Variants in RGS17 observed in about 807,000 individuals in gnomAD.
RGS17 encodes the protein regulator of G-protein signaling 17.
A neutral mutation model predicts 25.5 loss-of-function variants in RGS17; 12 were observed. The ratio of observed to expected loss-of-function variants is 0.47; its 90% CI spans 0.30 to 0.76. The LOEUF is 0.76. Among genes scored for constraint, RGS17 ranks in the 30% least tolerant of loss-of-function variants. The pLI is 0.07. For missense variants in RGS17, 196 were observed against 242.2 expected (o/e 0.81, Z 1.27); for synonymous variants, 71 against 76.9 (o/e 0.92, Z 0.40).
At chr6:153,017,907 CT>C (rs1304386958) in intron 4 of RGS17, among the ~76,000 whole-genome samples, 1 of 152,096 alleles carries the variant, frequency 6.6e-6, no homozygotes, top group Non-Finnish European at 1.5e-5. Context: ...TTAATTTGAA[CT>C]AAATTTGGTA....
chr6:153,049,200 G>A (rs1459647296), intron 1 of RGS17, among the ~76,000 whole-genome samples: 1 of 152,084 alleles, frequency 6.6e-6, no homozygotes, highest in Non-Finnish European at 1.5e-5. Context: ...CAGTTCAAGA[G>A]GGATGCCAGT....
Position 153,011,534 on chromosome 6 carries a change from C to T in RGS17, c.*40G>A, listed in dbSNP as rs1055733535. 2 of 1,383,398 alleles carry T rather than the reference C, an allele frequency of 1.4e-6. No homozygotes were observed. The highest frequency in any genetic ancestry group is 2.3e-5 in the East Asian group (1 of 43,426). 85.7% of individuals were successfully genotyped at this position (1,383,398 alleles called of 1,614,324 possible). A position where few individuals can be genotyped will look rare whatever the true frequency, so the allele number is the denominator to read the frequency against. On this transcript the variant is annotated 3_prime_UTR_variant, in exon 5 of 5. Coordinates refer to ENST00000206262, the MANE Select transcript of RGS17 (RefSeq NM_012419.5). Reference sequence around the variant, plus strand: ...TGATGTTATTTAACTACTTTTATTTCCCATCTCAGCCCTCCAAAATGATTG... The same window carrying T: ...TGATGTTATTTAACTACTTTTATTTTCCATCTCAGCCCTCCAAAATGATTG...
At chr6:153,025,353 C>T (rs549631711) in intron 3 of RGS17, among the ~76,000 whole-genome samples, 6 of 151,322 alleles carry the variant, frequency 4.0e-5, no homozygotes, top group African/African-American at 7.3e-5. Flanking sequence ...AGTTAATGTA[C>T]GAATTGTTAG....
intron 1 of RGS17, among the ~76,000 whole-genome samples, chr6:153,109,172 T>A (rs1327011857): frequency 2.3e-5 from 1 of 44,406 alleles, no homozygotes; most frequent in East Asian, 0.01. Context: ...TAAACGCCAT[T>A]TTTTTTTCAT....
At chr6:153,038,126 C>G (rs1776275091) in intron 2 of RGS17, among the ~76,000 whole-genome samples, 1 of 152,170 alleles carries the variant, frequency 6.6e-6, no homozygotes, top group South Asian at 2.1e-4. Flanking sequence ...TTGTCCGGGT[C>G]TGAACCTTGA....
At chr6:153,087,209 G>C (rs1777063992) in intron 1 of RGS17, among the ~76,000 whole-genome samples, 1 of 124,108 alleles carries the variant, frequency 8.1e-6, no homozygotes, top group African/African-American at 2.8e-5. Context: ...CTTGGAGGCA[G>C]AGGTTGCAGT....
chr6:153,095,272 T>C (rs1335400927), intron 1 of RGS17, among the ~76,000 whole-genome samples: 5 of 152,156 alleles, frequency 3.3e-5, no homozygotes, highest in African/African-American at 4.8e-5. Context: ...ATATTGAAGA[T>C]AGTCTATTAA....
chr6:153,053,923 ATG>A (rs1491554138), intron 1 of RGS17, among the ~76,000 whole-genome samples: 121 of 65,998 alleles, frequency 1.8e-3, no homozygotes, highest in East Asian at 4.6e-3. Context: ...TTATATATAT[ATG>A]TATATATATG....
chr6:153,060,933 C>T (rs889862210), intron 1 of RGS17, among the ~76,000 whole-genome samples: 5 of 152,054 alleles, frequency 3.3e-5, no homozygotes, highest in Admixed American at 3.3e-4. Flanking sequence ...TCATGAATAA[C>T]CTTGAGAACC....
chr6:153,011,450 T>C lies in RGS17; in HGVS notation c.*124A>G, dbSNP rs1253841460. On this transcript the variant is annotated 3_prime_UTR_variant, in exon 5 of 5. Transcript: ENST00000206262. The stretch of plus-strand genomic sequence containing the variant: ...AAAATGGAGACAAAGACCATAACGG[T>C]TGTGTTTTCACAGTAGCCTGAGGAA... The C allele has an allele frequency of 3.1e-6, 2 of 655,186 alleles. No individual in the cohort carries two copies. The highest frequency in any genetic ancestry group is 3.7e-5 in the African/African-American group (2 of 53,934). The allele number at this position is 655,186 out of a possible 1,614,324, so 40.6% of individuals were successfully genotyped here.
chr6:153,077,196 T>C (rs1562327777), intron 1 of RGS17, among the ~76,000 whole-genome samples: 3 of 152,162 alleles, frequency 2.0e-5, no homozygotes, highest in South Asian at 4.1e-4. Flanking sequence ...AAGGAAGAAG[T>C]TGAATGATAT....
intron 1 of RGS17, among the ~76,000 whole-genome samples, chr6:153,064,643 T>G (rs1297383897): frequency 6.7e-6 from 1 of 148,450 alleles, no homozygotes. Context: ...AAAAAAAAAC[T>G]GGGAGGATGA....
At chr6:153,058,635 C>T (rs1776596184) in intron 1 of RGS17, among the ~76,000 whole-genome samples, 1 of 152,156 alleles carries the variant, frequency 6.6e-6, no homozygotes, top group South Asian at 2.1e-4. Context: ...TTTGTGAAGC[C>T]CACTTCAGCA....
intron 1 of RGS17, among the ~76,000 whole-genome samples, chr6:153,086,672 T>C (rs1296439100): frequency 6.6e-6 from 1 of 152,208 alleles, no homozygotes; most frequent in African/African-American, 2.4e-5. Context: ...TAGGCATTAT[T>C]ATTTAACTAA....
chr6:153,036,045 T>C (rs1776235249), intron 2 of RGS17, among the ~76,000 whole-genome samples: 1 of 152,142 alleles, frequency 6.6e-6, no homozygotes, highest in African/African-American at 2.4e-5. Context: ...TTGGCTTCTG[T>C]AACAGTCCCT....
intron 1 of RGS17, among the ~76,000 whole-genome samples, chr6:153,111,208 G>A (rs1489431824): frequency 1.3e-5 from 2 of 152,188 alleles, no homozygotes; most frequent in Admixed American, 6.5e-5. Flanking sequence ...AATTCTTGCT[G>A]CCGGCACAGC....
At chr6:153,112,596 A>C (rs1777488954) in intron 1 of RGS17, among the ~76,000 whole-genome samples, 1 of 152,190 alleles carries the variant, frequency 6.6e-6, no homozygotes, top group African/African-American at 2.4e-5. Context: ...CTCCTCGAGA[A>C]GAGCAACCCC....
At chr6:153,023,402 C>G (rs1779266338) in intron 4 of RGS17, 1 of 507,604 alleles carries the variant, frequency 2.0e-6, no homozygotes, top group Admixed American at 1.9e-5. Context: ...TCTATGTTCT[C>G]TAAGTGCTTT....
rs1442222319 is a variant in RGS17, at chr6:153,121,749, G to T, written c.-26+9375C>A. ...TACTCGAAATAGTTGCATTTAGAAA[G>T]AAAACTTGGGAATAGATTCTTTATC... On this transcript the variant is annotated intron_variant, in intron 1 of 4. Coordinates refer to ENST00000206262, the MANE Select transcript of RGS17 (RefSeq NM_012419.5). 2.0e-5 allele frequency among the ~76,000 whole-genome samples: 3 copies of T among 152,160 alleles called. No homozygotes were observed. In the East Asian group the frequency reaches 5.8e-4, roughly 29 times the overall value.
Sources: allele counts gnomAD v4.1 joint callset (sites outside exome capture counted in the v4.1 genomes callset), GRCh38; gene constraint gnomAD v4.1.1; transcripts MANE v1.5; gene names NCBI Gene and HGNC (gene_info 2026-07-23, HGNC 2026-07-21).